TRDN: variants seen among roughly 807,000 people sequenced by gnomAD.
TRDN encodes triadin in skeletal muscle.
TRDN carries 161 observed loss-of-function variants against 149.7 expected under a neutral mutation model. The observed-to-expected ratio is 1.08, with a 90% CI of 0.95 to 1.23. The LOEUF is 1.23. Ranked by LOEUF, TRDN falls within the 50% of genes most tolerant of loss-of-function variation. The pLI, the probability that TRDN is intolerant of heterozygous loss-of-function variation, is 0.00. For synonymous variants in TRDN, 294 were observed against 250.5 expected, an observed-to-expected ratio of 1.17 and a Z score of -1.64; for missense variants, 896 against 823.5, an observed-to-expected ratio of 1.09 and a Z score of -1.08.
chr6:123,541,413 T>C (rs1399948120), intron 4 of TRDN, among the ~76,000 whole-genome samples: 1 of 152,160 alleles, frequency 6.6e-6, no homozygotes. Context: ...GCTCAGAGTT[T>C]ACTTCTTAGC....
At chr6:123,489,353 G>A (rs974049501) in intron 9 of TRDN, among the ~76,000 whole-genome samples, 1 of 151,688 alleles carries the variant, frequency 6.6e-6, no homozygotes, top group African/African-American at 2.4e-5. Flanking sequence ...TTTAAATCTT[G>A]GCTTGCGTGA....
intron 23 of TRDN, among the ~76,000 whole-genome samples, chr6:123,318,594 C>T (rs1582865278): frequency 6.6e-6 from 1 of 152,012 alleles, no homozygotes; most frequent in East Asian, 1.9e-4. Context: ...AAATGAATTC[C>T]CACAAATTTA....
intron 6 of TRDN, 37 bp from the exon 7 acceptor site, chr6:123,512,399 A>G (rs1583170158): frequency 7.9e-7 from 1 of 1,258,778 alleles, no homozygotes; most frequent in Non-Finnish European, 1.1e-6. Context: ...CACATTTTTA[A>G]TAGATTTCAA....
At chr6:123,615,545 C>A (rs1419091707) in intron 1 of TRDN, among the ~76,000 whole-genome samples, 2 of 115,958 alleles carry the variant, frequency 1.7e-5, no homozygotes, top group Non-Finnish European at 3.3e-5. Context: ...TATACACACA[C>A]ACACACACAC....
At chr6:123,407,907 C>T (rs971596962) in intron 12 of TRDN, among the ~76,000 whole-genome samples, 11 of 152,124 alleles carry the variant, frequency 7.2e-5, no homozygotes, top group African/African-American at 2.2e-4. Context: ...AAAGACCTCA[C>T]CACAATAAAC....
intron 22 of TRDN, among the ~76,000 whole-genome samples, chr6:123,332,233 G>T (rs576846618): frequency 6.6e-6 from 1 of 151,818 alleles, no homozygotes; most frequent in East Asian, 1.9e-4. Context: ...TTTAAAAATC[G>T]CATGACTTCA....
chr6:123,241,735 G>C (rs908324373), intron 38 of TRDN, among the ~76,000 whole-genome samples: 3 of 151,934 alleles, frequency 2.0e-5, no homozygotes, highest in Non-Finnish European at 4.4e-5. Context: ...TTATTATGGA[G>C]ATGTCAAAGT....
chr6:123,249,347 T>G (rs1429502557), intron 38 of TRDN, among the ~76,000 whole-genome samples: 3 of 152,124 alleles, frequency 2.0e-5, no homozygotes, highest in African/African-American at 7.2e-5. Context: ...GTAAATTGGT[T>G]CAATTCCTAT....
chr6:123,298,977 T>C (rs1436962974), intron 24 of TRDN, among the ~76,000 whole-genome samples: 5 of 152,098 alleles, frequency 3.3e-5, no homozygotes, highest in African/African-American at 7.2e-5. Context: ...AATTATGCCA[T>C]GTTTAGGTGT....
intron 14 of TRDN, among the ~76,000 whole-genome samples, chr6:123,382,690 C>T (rs920421511): frequency 1.3e-5 from 2 of 151,958 alleles, no homozygotes; most frequent in Non-Finnish European, 2.9e-5. Flanking sequence ...TCATGGGTTA[C>T]TGATGAATAC....
intron 14 of TRDN, among the ~76,000 whole-genome samples, chr6:123,385,710 A>T (rs944385890): frequency 6.6e-6 from 1 of 152,154 alleles, no homozygotes; most frequent in Non-Finnish European, 1.5e-5. Flanking sequence ...TAAATCTCAT[A>T]TGGCTGGTTC....
chr6:123,609,681 C>T (rs544902092), intron 1 of TRDN, among the ~76,000 whole-genome samples: 1 of 152,284 alleles, frequency 6.6e-6, no homozygotes, highest in African/African-American at 2.4e-5. Context: ...AGACTTCACT[C>T]ACGTATCTCC....
intron 19 of TRDN, among the ~76,000 whole-genome samples, chr6:123,373,580 C>T (rs1286521803): frequency 1.3e-5 from 2 of 152,106 alleles, no homozygotes; most frequent in Admixed American, 6.6e-5. Flanking sequence ...TAAACAATCC[C>T]ATACTACAAA....
chr6:123,424,413 T>C (rs1299937223), intron 12 of TRDN, among the ~76,000 whole-genome samples: 1 of 152,066 alleles, frequency 6.6e-6, no homozygotes, highest in Non-Finnish European at 1.5e-5. Flanking sequence ...TCTTTTCATA[T>C]GCATTATGTT....
At chr6:123,308,338 G>T (rs367770292) in intron 24 of TRDN, among the ~76,000 whole-genome samples, 1 of 137,232 alleles carries the variant, frequency 7.3e-6, no homozygotes, top group Non-Finnish European at 1.6e-5. Context: ...GCACGTGTGT[G>T]TTTTTTTTTT....
chr6:123,559,762 G>C (rs959736542), intron 2 of TRDN, among the ~76,000 whole-genome samples: 10 of 152,140 alleles, frequency 6.6e-5, no homozygotes, highest in African/African-American at 2.2e-4. Flanking sequence ...GTTAGTTCAG[G>C]ATCTGCGCCT....
intron 20 of TRDN, 129 bp from the exon 21 acceptor site, chr6:123,352,715 A>G (rs1243614898): frequency 8.6e-6 from 11 of 1,274,654 alleles, no homozygotes; most frequent in South Asian, 1.7e-5. Flanking sequence ...AGCTTCTTAA[A>G]CATTTCTCAT....
At chr6:123,353,502 T>A (rs368836462) in intron 20 of TRDN, among the ~76,000 whole-genome samples, 3 of 151,824 alleles carry the variant, frequency 2.0e-5, no homozygotes, top group African/African-American at 7.2e-5. Context: ...GAAATTTAGC[T>A]AAGCCAGATT....
intron 1 of TRDN, among the ~76,000 whole-genome samples, chr6:123,598,598 C>T (rs946893668): frequency 1.3e-5 from 2 of 152,038 alleles, no homozygotes; most frequent in Admixed American, 6.6e-5. Flanking sequence ...TGATTGTCTA[C>T]CTTGCTACCT....
Sources: allele counts gnomAD v4.1 joint callset (sites outside exome capture counted in the v4.1 genomes callset), GRCh38; gene constraint gnomAD v4.1.1; transcripts MANE v1.5; gene names NCBI Gene and HGNC (gene_info 2026-07-23, HGNC 2026-07-21).